The following DPYD variants were observed in gnomAD, a reference collection of about 807,000 sequenced individuals.
The protein encoded by DPYD is dihydropyrimidine dehydrogenase.
Under a neutral mutation model 116.2 loss-of-function variants are expected in DPYD, and 109 were observed. That is an observed-to-expected ratio of 0.94 (90% CI 0.80 to 1.10). The LOEUF (loss-of-function observed/expected upper bound fraction) is 1.10. DPYD is among the 50% of genes least tolerant of loss of function. The pLI is 0.00. For synonymous variants in DPYD, 440 were observed against 432.0 expected (o/e 1.02, Z -0.23); for missense variants, 1,302 against 1,254.5 (o/e 1.04, Z -0.57).
chr1:97,239,316 TATC>T (rs1662161537), intron 18 of DPYD, among the ~76,000 whole-genome samples: 1 of 152,180 alleles, frequency 6.6e-6, no homozygotes, highest in Non-Finnish European at 1.5e-5. Context: ...ATTTGTCAGA[TATC>T]ATTTTAAATA....
intron 8 of DPYD, among the ~76,000 whole-genome samples, chr1:97,619,687 T>A (rs1656514660): frequency 6.6e-6 from 1 of 152,156 alleles, no homozygotes; most frequent in Admixed American, 6.6e-5. Context: ...AAAATGTTAG[T>A]TTTTTCCTTG....
intron 6 of DPYD, among the ~76,000 whole-genome samples, chr1:97,695,604 T>C (rs945003655): frequency 1.3e-5 from 2 of 151,072 alleles, no homozygotes; most frequent in Non-Finnish European, 2.9e-5. Context: ...TATATATATA[T>C]ACTGAAGGAA....
intron 14 of DPYD, among the ~76,000 whole-genome samples, chr1:97,406,420 T>C (rs1014122432): frequency 2.6e-5 from 4 of 151,818 alleles, no homozygotes; most frequent in African/African-American, 9.7e-5. Flanking sequence ...ATTTTTATTA[T>C]ACTTTAAGTT....
At chr1:97,735,908 T>G (rs1355420599) in intron 4 of DPYD, among the ~76,000 whole-genome samples, 4 of 151,784 alleles carry the variant, frequency 2.6e-5, no homozygotes, top group Non-Finnish European at 2.9e-5. Flanking sequence ...AAGGAAATTA[T>G]CTATAATAAA....
At chr1:97,772,938 C>G (rs1666218154) in intron 3 of DPYD, among the ~76,000 whole-genome samples, 1 of 152,202 alleles carries the variant, frequency 6.6e-6, no homozygotes, top group Non-Finnish European at 1.5e-5. Context: ...AGATGATTTT[C>G]CATGGCCTCT....
intron 12 of DPYD, among the ~76,000 whole-genome samples, chr1:97,535,424 A>G (rs902317123): frequency 6.6e-6 from 1 of 152,148 alleles, no homozygotes. Flanking sequence ...GGACCAATTG[A>G]TACTGCAGTG....
At chr1:97,250,629 T>G (rs1454484163) in intron 18 of DPYD, among the ~76,000 whole-genome samples, 1 of 152,156 alleles carries the variant, frequency 6.6e-6, no homozygotes, top group African/African-American at 2.4e-5. Flanking sequence ...AGGCCAGACA[T>G]GTCCCCTACT....
At chr1:97,269,929 A>C (rs1664470503) in intron 18 of DPYD, among the ~76,000 whole-genome samples, 1 of 152,162 alleles carries the variant, frequency 6.6e-6, no homozygotes, top group African/African-American at 2.4e-5. Context: ...TCATCAGCAA[A>C]TTTATGATAA....
intron 18 of DPYD, among the ~76,000 whole-genome samples, chr1:97,236,034 G>A (rs889058917): frequency 6.6e-6 from 1 of 152,180 alleles, no homozygotes; most frequent in Admixed American, 6.5e-5. Context: ...TTTTAAAAAT[G>A]AGTATATTGT....
chr1:97,767,771 T>C (rs1164179158), intron 3 of DPYD, among the ~76,000 whole-genome samples: 2 of 151,242 alleles, frequency 1.3e-5, no homozygotes, highest in East Asian at 3.9e-4. Flanking sequence ...TTTTTTTTTT[T>C]TTTTGCAGCA....
Position 97,549,707 on chromosome 1 carries a change from C to T in DPYD, c.1377G>A (p.Trp459Ter). The T allele has an allele frequency of 8.1e-6, 13 of 1,613,616 alleles. No homozygotes were observed. The highest frequency in any genetic ancestry group is 1.1e-5 in the Non-Finnish European group (13 of 1,179,810). ...TTTCTGGATCTACTTCTGGGAGACC[C>T]CATCTGTTAAATTTTATAGGGCTCA... Reference protein sequence around the residue: ...EALSPIKFNRWGLPEVDPETM... With the variant: ...EALSPIKFNR The change falls in exon 12 of 23, where the codon TGG (tryptophan) becomes TGA (stop). Residue 459 changes from tryptophan (W) to a stop codon, truncating the protein, a stop_gained. Coordinates refer to ENST00000370192, the MANE Select transcript of DPYD (RefSeq NM_000110.4). LOFTEE classifies it high-confidence loss of function.
At chr1:97,822,805 G>T (rs1455335201) in intron 3 of DPYD, among the ~76,000 whole-genome samples, 2 of 152,142 alleles carry the variant, frequency 1.3e-5, no homozygotes, top group Non-Finnish European at 2.9e-5. Context: ...ATAAGCAAGA[G>T]ATTGGTGTAT....
chr1:97,399,672 TA>T (rs1464533052), intron 14 of DPYD, among the ~76,000 whole-genome samples: 2 of 152,148 alleles, frequency 1.3e-5, no homozygotes, highest in Non-Finnish European at 1.5e-5. Flanking sequence ...ACATCCCTTG[TA>T]AGTTGGATTC....
At chr1:97,473,156 A>G (rs1409172665) in intron 13 of DPYD, among the ~76,000 whole-genome samples, 4 of 152,188 alleles carry the variant, frequency 2.6e-5, no homozygotes, top group Non-Finnish European at 4.4e-5. Context: ...GGCAACTACC[A>G]TCTTACTCTC....
intron 18 of DPYD, among the ~76,000 whole-genome samples, chr1:97,242,650 A>G (rs540419874): frequency 6.6e-6 from 1 of 151,816 alleles, no homozygotes; most frequent in East Asian, 1.9e-4. Context: ...TGTAGTAAAA[A>G]TATCTATTTT....
At chr1:97,894,501 T>C (rs968467599) in intron 1 of DPYD, among the ~76,000 whole-genome samples, 1 of 151,804 alleles carries the variant, frequency 6.6e-6, no homozygotes, top group African/African-American at 2.4e-5. Flanking sequence ...GGTACCATGT[T>C]GACTGTACCA....
chr1:97,863,768 A>G (rs1237245820), intron 2 of DPYD, among the ~76,000 whole-genome samples: 1 of 151,908 alleles, frequency 6.6e-6, no homozygotes, highest in Non-Finnish European at 1.5e-5. Flanking sequence ...AAAACCCTTC[A>G]AACTAGAATA....
At chr1:97,363,616 T>C (rs1448651055) in intron 16 of DPYD, among the ~76,000 whole-genome samples, 1 of 152,136 alleles carries the variant, frequency 6.6e-6, no homozygotes, top group East Asian at 1.9e-4. Context: ...GGATATTATG[T>C]AGCCATAAAA....
At chr1:97,582,303 C>T (rs545144722) in intron 10 of DPYD, among the ~76,000 whole-genome samples, 1 of 152,150 alleles carries the variant, frequency 6.6e-6, no homozygotes, top group Non-Finnish European at 1.5e-5. Flanking sequence ...TGGTCCTGCA[C>T]TTCTTGTTTA....
Sources: allele counts gnomAD v4.1 joint callset (sites outside exome capture counted in the v4.1 genomes callset), GRCh38; gene constraint gnomAD v4.1.1; transcripts MANE v1.5; gene names NCBI Gene and HGNC (gene_info 2026-07-23, HGNC 2026-07-21).